The following PAPOLG variants were observed in gnomAD, a reference collection of about 807,000 sequenced individuals.
PAPOLG encodes the protein poly(A) polymerase gamma, also known as PAP-gamma.
Under a neutral mutation model 99.0 loss-of-function variants are expected in PAPOLG, and 40 were observed. That is an observed-to-expected ratio of 0.40 (90% CI 0.31 to 0.53). The LOEUF (loss-of-function observed/expected upper bound fraction) is 0.53. Ranked by LOEUF, PAPOLG falls within the 20% of genes least tolerant of loss-of-function variation. The pLI, the probability that PAPOLG is intolerant of heterozygous loss-of-function variation, is 0.41. For missense variants in PAPOLG, 675 were observed against 884.1 expected (o/e 0.76, Z 3.00); for synonymous variants, 310 against 299.3 (o/e 1.04, Z -0.37).
At chr2:60,758,910 CT>C (rs1670439300) in intron 1 of PAPOLG, among the ~76,000 whole-genome samples, 1 of 152,176 alleles carries the variant, frequency 6.6e-6, no homozygotes, top group Non-Finnish European at 1.5e-5. Flanking sequence ...CATTCTTACT[CT>C]TGGTGTTAAT....
intron 13 of PAPOLG, among the ~76,000 whole-genome samples, chr2:60,784,251 G>A (rs1443858846): frequency 6.6e-6 from 1 of 152,208 alleles, no homozygotes; most frequent in East Asian, 1.9e-4. Flanking sequence ...AATTACAGGC[G>A]TGAGCCACCA....
intron 3 of PAPOLG, among the ~76,000 whole-genome samples, chr2:60,762,889 A>G (rs1670562191): frequency 1.3e-5 from 2 of 151,812 alleles, no homozygotes; most frequent in Admixed American, 6.6e-5. Context: ...AGCCTCCCAC[A>G]GTGCTGGGAT....
At chr2:60,768,957 C>A in intron 5 of PAPOLG, 67 bp downstream of exon 5, 3 of 1,197,318 alleles carry the variant, frequency 2.5e-6, no homozygotes, top group Non-Finnish European at 3.5e-6. Flanking sequence ...AAAACTAGGG[C>A]TTAAAACTAT....
Position 60,768,538 on chromosome 2 carries a change from A to C in PAPOLG, c.315A>C (p.Gly105=). Reference sequence around the variant, plus strand: ...TCACATTTGGATCCTATAGGCTTGGAGTACACACCAAAGGTAACTGCTTTT... The same window carrying C: ...TCACATTTGGATCCTATAGGCTTGGCGTACACACCAAAGGTAACTGCTTTT... ...KIFTFGSYRL[G]VHTKGADIDA... is the part of the protein sequence containing the mutation. The change falls in exon 4 of 22, where the codon GGA becomes GGC. Residue 105 remains glycine, a synonymous_variant. Transcript: ENST00000238714. The C allele has an allele frequency of 6.2e-7, 1 of 1,606,294 alleles. No individual in the cohort carries two copies. The highest frequency in any genetic ancestry group is 1.1e-5 in the South Asian group (1 of 90,890).
chr2:60,766,019 A>G (rs1670665903), intron 3 of PAPOLG, among the ~76,000 whole-genome samples: 1 of 152,172 alleles, frequency 6.6e-6, no homozygotes, highest in South Asian at 2.1e-4. Context: ...TAACCTTAAT[A>G]TTCATTACAC....
rs1374571349 is a variant in PAPOLG, at chr2:60,780,701, T to C, written c.834-6T>C. The C allele has an allele frequency of 1.9e-6, 3 of 1,613,844 alleles. No individual in the cohort carries two copies. The highest frequency in any genetic ancestry group is 1.3e-5 in the African/African-American group (1 of 74,944). On this transcript the variant is annotated splice_polypyrimidine_tract_variant and splice_region_variant and intron_variant, in intron 9 of 21. Coordinates refer to ENST00000238714, the MANE Select transcript of PAPOLG (RefSeq NM_022894.4). ...TGTGTAAGTTAATTTGCCTTATTCA[T>C]GTCAGGGAATGGCCAAATCCTGTGC...
intron 8 of PAPOLG, among the ~76,000 whole-genome samples, chr2:60,778,250 G>A (rs543213668): frequency 9.2e-5 from 14 of 152,202 alleles, no homozygotes; most frequent in South Asian, 6.2e-4. Flanking sequence ...GGGCCCAAGC[G>A]ATCCTTCCAC....
intron 6 of PAPOLG, among the ~76,000 whole-genome samples, chr2:60,770,859 G>A (rs960187996): frequency 6.6e-6 from 1 of 152,052 alleles, no homozygotes; most frequent in African/African-American, 2.4e-5. Flanking sequence ...TCCTGACCTC[G>A]TGATCCGCCC....
intron 15 of PAPOLG, among the ~76,000 whole-genome samples, chr2:60,791,064 G>A (rs1479276134): frequency 6.6e-6 from 1 of 151,844 alleles, no homozygotes; most frequent in Non-Finnish European, 1.5e-5. Flanking sequence ...ACTCAAGCCT[G>A]GATGACAGAG....
At chr2:60,762,651 G>C (rs1670553852) in intron 3 of PAPOLG, among the ~76,000 whole-genome samples, 1 of 150,988 alleles carries the variant, frequency 6.6e-6, no homozygotes, top group South Asian at 2.1e-4. Flanking sequence ...TTTTGAGATG[G>C]AATCTCCCTC....
At chr2:60,786,320 T>G (rs923757360) in intron 13 of PAPOLG, among the ~76,000 whole-genome samples, 2 of 152,096 alleles carry the variant, frequency 1.3e-5, no homozygotes, top group African/African-American at 4.8e-5. Flanking sequence ...AACCTCCACC[T>G]CCCAGCTTCA....
In PAPOLG at chr2:60,760,942, C is replaced by T. The variant is rs111698966; in HGVS notation, c.179+647C>T. Among the ~76,000 whole-genome samples the T allele has an allele frequency of 5.7e-3, 869 of 152,254 alleles. 2 individuals are homozygous for T. The highest frequency in any genetic ancestry group is 8.0e-3 in the Non-Finnish European group (544 of 68,014). ...AAGTGCAAGGGCAGAGCAGAGAAACCAGTTAGCAAGCCATTATAATAGCCC... is the reference window on the plus strand; with the variant it reads ...AAGTGCAAGGGCAGAGCAGAGAAACTAGTTAGCAAGCCATTATAATAGCCC... On this transcript the variant is annotated intron_variant, in intron 2 of 21. Coordinates refer to ENST00000238714, the MANE Select transcript of PAPOLG (RefSeq NM_022894.4).
intron 5 of PAPOLG, among the ~76,000 whole-genome samples, chr2:60,769,693 G>GT (rs1372558414): frequency 1.3e-5 from 2 of 151,974 alleles, no homozygotes; most frequent in East Asian, 3.9e-4. Context: ...TAAATAATCA[G>GT]TTTTCAGTTT....
At chr2:60,768,743 A>G (rs1352541321) in intron 4 of PAPOLG, 38 bp from the exon 5 acceptor site, 1 of 1,472,314 alleles carries the variant, frequency 6.8e-7, no homozygotes, top group Non-Finnish European at 9.2e-7. Context: ...AATATAACAC[A>G]TAATATATTC....
intron 7 of PAPOLG, among the ~76,000 whole-genome samples, chr2:60,774,049 G>T (rs1379929429): frequency 2.0e-5 from 3 of 152,052 alleles, no homozygotes; most frequent in Admixed American, 2.0e-4. Flanking sequence ...TGGTGGTGAA[G>T]ATATTTTTTT....
At chr2:60,757,999 AG>A (rs1670399195) in intron 1 of PAPOLG, among the ~76,000 whole-genome samples, 2 of 152,210 alleles carry the variant, frequency 1.3e-5, no homozygotes, top group African/African-American at 2.4e-5. Context: ...AGTAGTGGAA[AG>A]AGGTTTTGGA....
At position 60,782,720 on chromosome 2, in the gene PAPOLG, G is replaced by A. The variant is rs1671230499; in HGVS notation, c.1062G>A (p.Lys354=). Residue 354 remains lysine (K), a synonymous_variant, in exon 12 of 22, where the codon AAG becomes AAA. Transcript: ENST00000238714. ...TCACAGATGAAATTCTTCAAGGAAA[G>A]TCAGATTGGTCCAAACTACTTGAGC... ...LAVTDEILQG[K]SDWSKLLEPP... 1 of 1,442,600 alleles carries A rather than the reference G, an allele frequency of 6.9e-7. No homozygotes were observed. The highest frequency in any genetic ancestry group is 9.2e-7 in the Non-Finnish European group (1 of 1,092,882). The allele number at this position is 1,442,600 out of a possible 1,614,324, so 89.4% of individuals were successfully genotyped here.
intron 7 of PAPOLG, among the ~76,000 whole-genome samples, chr2:60,773,701 GAA>G (rs35118727): frequency 6.9e-6 from 1 of 145,760 alleles, no homozygotes; most frequent in African/African-American, 2.5e-5. Context: ...TATAAAATGT[GAA>G]AAAAAAAAAA....
At chr2:60,762,510 C>G (rs1254247961) in intron 3 of PAPOLG, among the ~76,000 whole-genome samples, 1 of 152,050 alleles carries the variant, frequency 6.6e-6, no homozygotes, top group Non-Finnish European at 1.5e-5. Context: ...TGCATGTTAC[C>G]TTTTCAGATC....
Sources: gnomAD v4.1 joint callset for allele counts (sites outside exome capture counted in the v4.1 genomes callset) on GRCh38, gnomAD v4.1.1 for gene constraint, MANE v1.5 for transcripts, NCBI Gene and HGNC (gene_info 2026-07-23, HGNC 2026-07-21) for gene names.